SAMMSON: variants seen among roughly 807,000 people sequenced by gnomAD.
The protein encoded by SAMMSON is survival associated mitochondrial melanoma specific oncogenic non-coding RNA, also known as long intergenic non-protein coding RNA 1212.
chr3:70,020,779 T>C (rs546321403), intron 3 of SAMMSON, among the ~76,000 whole-genome samples: 1 of 152,306 alleles, frequency 6.6e-6, no homozygotes, highest in African/African-American at 2.4e-5. Context: ...AATTCAGGCA[T>C]GATGCAAAGT....
chr3:70,312,481 T>C (rs544111142), intron 7 of SAMMSON: 7 of 152,358 alleles, frequency 4.6e-5, no homozygotes, highest in African/African-American at 1.7e-4. Flanking sequence ...GAACCTTCGG[T>C]GCAGTGCACT....
intron 2 of SAMMSON, among the ~76,000 whole-genome samples, chr3:70,402,196 GT>G (rs1455997943): frequency 6.6e-6 from 1 of 152,146 alleles, no homozygotes; most frequent in Non-Finnish European, 1.5e-5. Context: ...TAGAATTTCA[GT>G]TGTTATTTAA....
intron 7 of SAMMSON, among the ~76,000 whole-genome samples, chr3:70,304,292 T>C (rs1487659445): frequency 6.6e-6 from 1 of 152,140 alleles, no homozygotes; most frequent in Non-Finnish European, 1.5e-5. Context: ...TTTCCATTTC[T>C]CTCCCCATCA....
chr3:70,224,612 A>G (rs964807414), intron 4 of SAMMSON, among the ~76,000 whole-genome samples: 11 of 152,292 alleles, frequency 7.2e-5, no homozygotes, highest in African/African-American at 2.4e-4. Flanking sequence ...TGGCTTCTCA[A>G]GTGCCAGAGG....
chr3:70,126,624 AT>A, intron 4 of SAMMSON: 1 of 356,942 alleles, frequency 2.8e-6, no homozygotes, highest in Non-Finnish European at 5.2e-6. Context: ...TCAAGCAAAA[AT>A]TGGCCCAGAG....
intron 2 of SAMMSON, among the ~76,000 whole-genome samples, chr3:70,433,561 T>G (rs1262900025): frequency 1.3e-5 from 2 of 152,174 alleles, no homozygotes; most frequent in Non-Finnish European, 2.9e-5. Context: ...ATACTTGTCC[T>G]TTATCAGATA....
chr3:70,412,063 A>G (rs17007234), intron 2 of SAMMSON, among the ~76,000 whole-genome samples: 1,953 of 152,286 alleles, frequency 0.013, 79 homozygotes, highest in East Asian at 0.11. Flanking sequence ...AACCCATTCT[A>G]TTCACTTTTC....
intron 4 of SAMMSON, among the ~76,000 whole-genome samples, chr3:70,163,147 A>G (rs1168969607): frequency 6.6e-6 from 1 of 151,542 alleles, no homozygotes; most frequent in African/African-American, 2.4e-5. Context: ...CATTCAACGC[A>G]ATGATTGATA....
At chr3:70,083,798 C>A (rs1328464229) in intron 4 of SAMMSON, among the ~76,000 whole-genome samples, 1 of 152,132 alleles carries the variant, frequency 6.6e-6, no homozygotes, top group African/African-American at 2.4e-5. Flanking sequence ...TCTGTCATCT[C>A]ATCCTTACTT....
chr3:70,047,740 G>A (rs1332147736), intron 3 of SAMMSON, among the ~76,000 whole-genome samples: 2 of 152,120 alleles, frequency 1.3e-5, no homozygotes, highest in Non-Finnish European at 2.9e-5. Context: ...GAGCTTGGAA[G>A]TCCAAGATCA....
chr3:70,052,184 CA>C (rs10708220), intron 3 of SAMMSON, among the ~76,000 whole-genome samples: 63,461 of 151,942 alleles, frequency 0.42, 13,762 homozygotes, highest in East Asian at 0.61. Context: ...TACTTATTCA[CA>C]AAAAAAGCAA....
intron 2 of SAMMSON, among the ~76,000 whole-genome samples, chr3:70,407,567 C>A (rs1701186360): frequency 3.3e-5 from 5 of 152,218 alleles, no homozygotes; most frequent in Admixed American, 3.3e-4. Flanking sequence ...TCAAAATGAT[C>A]TCCTTTGACT....
intron 3 of SAMMSON, among the ~76,000 whole-genome samples, chr3:70,017,795 C>T (rs572430958): frequency 1.3e-5 from 2 of 152,062 alleles, no homozygotes; most frequent in East Asian, 1.9e-4. Context: ...TAGCATGAAG[C>T]GTTGTTGAAT....
chr3:70,187,727 C>T (rs1471261866), intron 4 of SAMMSON, among the ~76,000 whole-genome samples: 2 of 151,846 alleles, frequency 1.3e-5, no homozygotes, highest in East Asian at 3.9e-4. Context: ...TGAGCCACCG[C>T]GCCCGGCCGG....
rs191599649 is a variant in SAMMSON at position 70,011,054 on chromosome 3, C to T, written n.23-1303C>T. 3.2e-3 allele frequency among the ~76,000 whole-genome samples: 484 copies of T among 152,172 alleles called. 5 individuals are homozygous for T. The highest frequency in any genetic ancestry group is 0.01 in the African/African-American group (433 of 41,500). On this transcript the variant is annotated intron_variant and non_coding_transcript_variant, in intron 1 of 9. Coordinates refer to ENST00000642114, the Ensembl canonical transcript of SAMMSON. ...AAGGTGAGAGCCAAACTATATCAGC[C>T]GTATACTGCCCTGGTTTTTATACTT...
intron 2 of SAMMSON, among the ~76,000 whole-genome samples, chr3:70,419,218 A>T (rs1701291626): frequency 6.6e-6 from 1 of 151,140 alleles, no homozygotes; most frequent in African/African-American, 2.4e-5. Flanking sequence ...TCTTTTGAAG[A>T]GATAGGGTTT....
At chr3:70,119,016 C>G (rs2067422440) in intron 4 of SAMMSON, among the ~76,000 whole-genome samples, 1 of 152,134 alleles carries the variant, frequency 6.6e-6, no homozygotes, top group African/African-American at 2.4e-5. Context: ...GATTTCTTTT[C>G]TCCTCGTGTT....
intron 7 of SAMMSON, among the ~76,000 whole-genome samples, chr3:70,334,881 G>T (rs961808003): frequency 2.0e-5 from 3 of 152,020 alleles, no homozygotes; most frequent in African/African-American, 7.2e-5. Context: ...ACAAACAAAA[G>T]AAATACATAT....
At chr3:70,311,402 C>T (rs1176254227) in intron 7 of SAMMSON, among the ~76,000 whole-genome samples, 2 of 152,186 alleles carry the variant, frequency 1.3e-5, no homozygotes, top group East Asian at 1.9e-4. Flanking sequence ...AACCATTTTA[C>T]GCATGCGGAG....
Sources: allele counts gnomAD v4.1 joint callset (sites outside exome capture counted in the v4.1 genomes callset), GRCh38; gene constraint gnomAD v4.1.1; transcripts MANE v1.5; gene names NCBI Gene and HGNC (gene_info 2026-07-23, HGNC 2026-07-21).